Variants in ADGRL3 observed in about 807,000 individuals in gnomAD.
ADGRL3 encodes the protein calcium-independent alpha-latrotoxin receptor 3.
ADGRL3 carries 62 observed loss-of-function variants against 153.5 expected under a neutral mutation model. That is an observed-to-expected ratio of 0.40 (90% CI 0.33 to 0.50). ADGRL3 has a LOEUF of 0.50. Among genes scored for constraint, ADGRL3 ranks in the 20% least tolerant of loss-of-function variants. The probability of loss-of-function intolerance (pLI) is 0.47; values close to 1 mark genes in which losing one functional copy is unlikely to be tolerated. For missense variants in ADGRL3, 1,641 were observed against 1,859.4 expected (o/e 0.88, Z 2.16); for synonymous variants, 710 against 672.5 (o/e 1.06, Z -0.86).
chr4:61,653,403 T>A (rs546131795), intron 5 of ADGRL3, among the ~76,000 whole-genome samples: 64 of 152,294 alleles, frequency 4.2e-4, no homozygotes, highest in Non-Finnish European at 7.2e-4. Context: ...ATATATGCGT[T>A]GTACGCCCAA....
chr4:61,981,849 G>A (rs1045638374), intron 18 of ADGRL3, among the ~76,000 whole-genome samples: 1 of 152,164 alleles, frequency 6.6e-6, no homozygotes, highest in African/African-American at 2.4e-5. Flanking sequence ...TTGGATTCAT[G>A]TTTGTGATTA....
In ADGRL3 at chr4:62,008,425, G is replaced by A. The variant is rs576832166; in HGVS notation, c.3395+10160G>A. On this transcript the variant is annotated intron_variant, in intron 21 of 26. Coordinates refer to ENST00000683033, the MANE Select transcript of ADGRL3 (RefSeq NM_001387552.1). Reference sequence around the variant, plus strand: ...AAGGCTGATCTTATATAAGAAGGACGCAGACAATACCATTATTTCTTTATG... The same window carrying A: ...AAGGCTGATCTTATATAAGAAGGACACAGACAATACCATTATTTCTTTATG... 9.2e-5 allele frequency among the ~76,000 whole-genome samples: 14 copies of A among 152,172 alleles called. No homozygotes were observed. In the East Asian group the frequency reaches 9.7e-4, roughly 11 times the overall value.
In ADGRL3 at chr4:62,007,571, A is replaced by T. The variant is rs1379590869; in HGVS notation, c.3395+9306A>T. On this transcript the variant is annotated intron_variant, in intron 21 of 26. Transcript: ENST00000683033. ...TCAAGTATGAGTTTAGAATCCTTTGACATCTTAGAGTTCCATCCAGGAGCC... is the reference window on the plus strand; with the variant it reads ...TCAAGTATGAGTTTAGAATCCTTTGTCATCTTAGAGTTCCATCCAGGAGCC... Among the ~76,000 whole-genome samples, 3 of 149,844 alleles carry T rather than the reference A, an allele frequency of 2.0e-5. No homozygotes were observed. The East Asian group carries it at 6.0e-4, about 30-fold the overall frequency.
At chr4:61,498,244 C>CA (rs761194705) in intron 3 of ADGRL3, among the ~76,000 whole-genome samples, 1 of 151,914 alleles carries the variant, frequency 6.6e-6, no homozygotes. Flanking sequence ...TGCAAAAACA[C>CA]AAACAAATAA....
intron 1 of ADGRL3, among the ~76,000 whole-genome samples, chr4:61,218,394 T>A (rs986850586): frequency 6.6e-6 from 1 of 152,112 alleles, no homozygotes; most frequent in African/African-American, 2.4e-5. Flanking sequence ...CACTGCAGCC[T>A]CGACCTCCTA....
intron 17 of ADGRL3, among the ~76,000 whole-genome samples, chr4:61,959,564 A>G (rs1187943896): frequency 6.6e-6 from 1 of 152,180 alleles, no homozygotes; most frequent in Non-Finnish European, 1.5e-5. Context: ...GATTCAAAAC[A>G]GTCACAGTTT....
At chr4:61,825,058 C>T (rs767748121) in intron 9 of ADGRL3, among the ~76,000 whole-genome samples, 1 of 152,178 alleles carries the variant, frequency 6.6e-6, no homozygotes, top group Non-Finnish European at 1.5e-5. Context: ...TGCCAAGAAG[C>T]ACTTTTCTCT....
At chr4:62,053,493 C>G (rs1735381392) in intron 25 of ADGRL3, among the ~76,000 whole-genome samples, 1 of 151,456 alleles carries the variant, frequency 6.6e-6, no homozygotes, top group Non-Finnish European at 1.5e-5. Context: ...GAATGTAAGA[C>G]AAGTCAGCTA....
Position 61,852,074 on chromosome 4 carries a change from G to T in ADGRL3, c.1480+38185G>T, listed in dbSNP as rs1348336771. On this transcript the variant is annotated intron_variant, in intron 9 of 26. Coordinates refer to ENST00000683033, the MANE Select transcript of ADGRL3 (RefSeq NM_001387552.1). ...GTTTACATGTTGGGAATCTTCGAGG[G>T]TGGAAAATAGCAAAACTGAGGGTAG... Among the ~76,000 whole-genome samples, 3 of 152,094 alleles carry T rather than the reference G, an allele frequency of 2.0e-5. No homozygotes were observed. In the East Asian group the frequency reaches 5.8e-4, roughly 29 times the overall value.
At chr4:61,431,082 C>T (rs372519164) in intron 2 of ADGRL3, among the ~76,000 whole-genome samples, 97 of 152,264 alleles carry the variant, frequency 6.4e-4, no homozygotes, top group African/African-American at 2.2e-3. Context: ...ATAGTTGCTT[C>T]CTTTAATTTT....
intron 5 of ADGRL3, among the ~76,000 whole-genome samples, chr4:61,640,256 T>A (rs1289827601): frequency 1.3e-5 from 2 of 152,054 alleles, no homozygotes; most frequent in African/African-American, 4.8e-5. Flanking sequence ...AAAAAAGGAA[T>A]TAAATACAAA....
chr4:61,554,174 T>TTATTTTATTC (rs2098754331), intron 4 of ADGRL3, among the ~76,000 whole-genome samples: 1 of 147,108 alleles, frequency 6.8e-6, no homozygotes, highest in African/African-American at 2.6e-5. Context: ...CTTAGGTATT[T>TTATTTTATTC]TATTTTATTT....
In ADGRL3 at chr4:61,979,906, T is replaced by A. The variant is rs913096349; in HGVS notation, c.3015+134T>A. The A allele has an allele frequency of 5.3e-6, 4 of 756,926 alleles. No individual in the cohort carries two copies. In the African/African-American group the frequency reaches 7.0e-5, roughly 13 times the overall value. 46.9% of individuals were successfully genotyped at this position (756,926 alleles called of 1,614,324 possible). On this transcript the variant is annotated intron_variant, in intron 18 of 26. Transcript: ENST00000683033. Reference sequence around the variant, plus strand: ...TAAGATAGATACTAATTTTCAGGCCTTACTCAGTTTTCCATTTTTCATATC... The same window carrying A: ...TAAGATAGATACTAATTTTCAGGCCATACTCAGTTTTCCATTTTTCATATC...
chr4:61,360,374 G>A (rs1232565171), intron 1 of ADGRL3, among the ~76,000 whole-genome samples: 1 of 152,108 alleles, frequency 6.6e-6, no homozygotes. Context: ...AGATTATTCA[G>A]TCTTAAGAAA....
At chr4:61,775,695 A>G in intron 8 of ADGRL3, 1 of 1,437,188 alleles carries the variant, frequency 7.0e-7, no homozygotes, top group Non-Finnish European at 9.7e-7. Context: ...AGTTGGATGC[A>G]AGCACACAAA....
At chr4:61,653,901 G>A (rs1301195113) in intron 5 of ADGRL3, among the ~76,000 whole-genome samples, 1 of 152,086 alleles carries the variant, frequency 6.6e-6, no homozygotes, top group South Asian at 2.1e-4. Flanking sequence ...AAAAATCCAG[G>A]TGTTCTTATA....
intron 8 of ADGRL3, among the ~76,000 whole-genome samples, chr4:61,777,930 A>G (rs1442040477): frequency 1.3e-5 from 2 of 152,056 alleles, no homozygotes; most frequent in African/African-American, 2.4e-5. Context: ...TTGGTCTTTC[A>G]CTCCAGAGAC....
intron 2 of ADGRL3, chr4:61,420,374 TAATAA>T (rs1331733515): frequency 6.8e-6 from 1 of 147,568 alleles, no homozygotes; most frequent in Non-Finnish European, 1.5e-5. Context: ...AACCCTAGAA[TAATAA>T]AATATTTGCC....
At position 61,587,383 on chromosome 4, in the gene ADGRL3, C is replaced by A; in HGVS notation, c.416C>A (p.Ala139Asp). Residue 139 changes from alanine to aspartate, a missense_variant, in exon 5 of 27, where the codon GCT (alanine) becomes GAT (aspartate). Ala to Asp is a moderately radical substitution (Grantham distance 126). Coordinates refer to ENST00000683033, the MANE Select transcript of ADGRL3 (RefSeq NM_001387552.1). ...TDDKICDSDP[A>D]QMENIRCYLP... ...GACAAAATTTGTGACTCTGACCCTG[C>A]TCAGATGGAGAATATCCGATGTTAT... is the stretch of plus-strand genomic sequence containing the variant. 6.2e-7 allele frequency: 1 copy of A among 1,612,510 alleles called. No individual in the cohort carries two copies. The highest frequency in any genetic ancestry group is 8.5e-7 in the Non-Finnish European group (1 of 1,179,088).
Sources: gnomAD v4.1 joint callset for allele counts (sites outside exome capture counted in the v4.1 genomes callset) on GRCh38, gnomAD v4.1.1 for gene constraint, MANE v1.5 for transcripts, NCBI Gene and HGNC (gene_info 2026-07-23, HGNC 2026-07-21) for gene names.